The following SDK1 variants were observed in gnomAD, a reference collection of about 807,000 sequenced individuals.
SDK1 encodes the protein sidekick cell adhesion molecule 1.
SDK1 carries 157 observed loss-of-function variants against 245.5 expected under a neutral mutation model. The ratio of observed to expected loss-of-function variants is 0.64; its 90% CI spans 0.56 to 0.73. The LOEUF (loss-of-function observed/expected upper bound fraction) is 0.73, where lower values mean the gene tolerates loss of function less well. Ranked by LOEUF, SDK1 falls within the 30% of genes least tolerant of loss-of-function variation. SDK1 has a pLI of 0.00. For missense variants in SDK1, 3,583 were observed against 3,002.3 expected (o/e 1.19, Z -4.52); for synonymous variants, 1,647 against 1,278.5 (o/e 1.29, Z -6.15).
At chr7:3,924,700 G>A (rs1289419977) in intron 5 of SDK1, among the ~76,000 whole-genome samples, 1 of 152,194 alleles carries the variant, frequency 6.6e-6, no homozygotes, top group East Asian at 1.9e-4. Flanking sequence ...CCATCCCTCA[G>A]AGAGTTCTGG....
intron 25 of SDK1, among the ~76,000 whole-genome samples, chr7:4,115,338 C>T (rs571561833): frequency 6.6e-6 from 1 of 152,148 alleles, no homozygotes; most frequent in African/African-American, 2.4e-5. Context: ...AATTCCTGAC[C>T]TTTGTCCAGA....
intron 1 of SDK1, among the ~76,000 whole-genome samples, chr7:3,308,457 C>CT (rs756735446): frequency 6.6e-6 from 1 of 152,084 alleles, no homozygotes; most frequent in Non-Finnish European, 1.5e-5. Flanking sequence ...TAATTTTTCA[C>CT]TTTAACAGGC....
intron 40 of SDK1, among the ~76,000 whole-genome samples, chr7:4,232,411 C>CTTTTTTTTTTTTTTTTTTTTTT (rs71032930): frequency 1.0e-5 from 1 of 98,786 alleles, no homozygotes; most frequent in Non-Finnish European, 2.0e-5. Context: ...TCTTTTCTTT[C>CTTTTTTTTTTTTTTTTTTTTTT]TTTTTTTTTT....
At chr7:3,588,598 A>G (rs1382024208) in intron 1 of SDK1, among the ~76,000 whole-genome samples, 1 of 152,166 alleles carries the variant, frequency 6.6e-6, no homozygotes, top group African/African-American at 2.4e-5. Flanking sequence ...AAGTCTCTTC[A>G]GTCAGTGGCT....
intron 5 of SDK1, among the ~76,000 whole-genome samples, chr7:3,933,914 G>A (rs564046016): frequency 3.9e-5 from 6 of 152,240 alleles, no homozygotes; most frequent in African/African-American, 1.4e-4. Context: ...AAAGGTTGGC[G>A]CTTGGTTCTG....
intron 1 of SDK1, among the ~76,000 whole-genome samples, chr7:3,333,760 C>T (rs1780129208): frequency 6.6e-6 from 1 of 152,166 alleles, no homozygotes. Context: ...TCTAATTCTT[C>T]CTACTTTAAG....
chr7:3,904,201 G>T (rs11980947), intron 5 of SDK1, among the ~76,000 whole-genome samples: 43,605 of 152,052 alleles, frequency 0.29, 8,006 homozygotes, highest in African/African-American at 0.52. Context: ...CCCACATACT[G>T]CATGAATCAG....
At chr7:3,660,298 A>G (rs372271027) in intron 4 of SDK1, among the ~76,000 whole-genome samples, 8 of 152,072 alleles carry the variant, frequency 5.3e-5, no homozygotes, top group Non-Finnish European at 1.2e-4. Context: ...GCCCAATACC[A>G]TGGACCACCA....
chr7:3,353,861 G>C (rs544289847), intron 1 of SDK1, among the ~76,000 whole-genome samples: 2 of 149,090 alleles, frequency 1.3e-5, no homozygotes, highest in South Asian at 4.3e-4. Context: ...TTTCCATGCA[G>C]ATGCTTTCTG....
intron 30 of SDK1, among the ~76,000 whole-genome samples, chr7:4,150,562 C>T (rs990996242): frequency 6.6e-6 from 1 of 152,192 alleles, no homozygotes; most frequent in African/African-American, 2.4e-5. Context: ...TTGCTCATAT[C>T]CCCCACCCAG....
intron 4 of SDK1, among the ~76,000 whole-genome samples, chr7:3,675,016 C>T (rs1440490409): frequency 6.6e-6 from 1 of 152,150 alleles, no homozygotes; most frequent in Non-Finnish European, 1.5e-5. Flanking sequence ...AACAAGCCTG[C>T]ATCAAATTCT....
rs73298373 is a variant in SDK1 at position 3,408,514 on chromosome 7, G to T, written c.298+106630G>T. Among the ~76,000 whole-genome samples, 4 of 152,258 alleles carry T rather than the reference G, an allele frequency of 2.6e-5. No individual in the cohort carries two copies. In the East Asian group the frequency reaches 7.7e-4, roughly 29 times the overall value. ...GAAGTTATAAACAAAATTTCATACA[G>T]CATGCCATTTGACAAATTAATGAAG... On this transcript the variant is annotated intron_variant, in intron 1 of 44. Coordinates refer to ENST00000404826, the MANE Select transcript of SDK1 (RefSeq NM_152744.4).
Position 4,158,341 on chromosome 7 carries a change from C to G in SDK1, c.4626-107C>G, listed in dbSNP as rs544543643. 436 of 853,112 alleles carry G rather than the reference C, an allele frequency of 5.1e-4. 7 individuals are homozygous for G. In the South Asian group the frequency reaches 6.8e-3, roughly 13 times the overall value. 52.8% of individuals were successfully genotyped at this position (853,112 alleles called of 1,614,324 possible). ...GGCCCACACAGGAGCCCAGAGCTCT[C>G]AGGGCAGGGGAGGGATTTGCCCCTC... On this transcript the variant is annotated intron_variant, in intron 30 of 44. Transcript: ENST00000404826.
chr7:4,066,181 C>G (rs1270455434), intron 19 of SDK1, among the ~76,000 whole-genome samples: 1 of 152,178 alleles, frequency 6.6e-6, no homozygotes, highest in Non-Finnish European at 1.5e-5. Flanking sequence ...CTACCCTTTC[C>G]TCCTGCCCTT....
At chr7:3,624,971 G>A (rs1479834326) in intron 2 of SDK1, among the ~76,000 whole-genome samples, 1 of 152,028 alleles carries the variant, frequency 6.6e-6, no homozygotes, top group Non-Finnish European at 1.5e-5. Flanking sequence ...CCCGGGAGGC[G>A]GAGGTTGCAG....
intron 4 of SDK1, among the ~76,000 whole-genome samples, chr7:3,687,373 C>T (rs185474241): frequency 3.3e-5 from 5 of 152,080 alleles, no homozygotes; most frequent in East Asian, 1.9e-4. Flanking sequence ...ATGATCCACC[C>T]GCCTCAGCCT....
chr7:3,592,579 C>T (rs1476026040), intron 1 of SDK1, among the ~76,000 whole-genome samples: 1 of 152,010 alleles, frequency 6.6e-6, no homozygotes. Context: ...TTTATTTTTC[C>T]CTGAGCTGGA....
At chr7:4,114,297 C>A in intron 25 of SDK1, 23 bp downstream of exon 25, 1 of 1,546,430 alleles carries the variant, frequency 6.5e-7, no homozygotes, top group Non-Finnish European at 8.8e-7. Context: ...CGATTCCCAT[C>A]CTGGAGACAC....
chr7:4,242,555 G>A (rs1786595976), intron 43 of SDK1, among the ~76,000 whole-genome samples: 1 of 152,102 alleles, frequency 6.6e-6, no homozygotes, highest in Admixed American at 6.5e-5. Context: ...AAGGAGAAGG[G>A]CCAGGAATGG....
Sources: allele counts gnomAD v4.1 joint callset (sites outside exome capture counted in the v4.1 genomes callset), GRCh38; gene constraint gnomAD v4.1.1; transcripts MANE v1.5; gene names NCBI Gene and HGNC (gene_info 2026-07-23, HGNC 2026-07-21).